The following CAMSAP2 variants were observed in gnomAD, a reference collection of about 807,000 sequenced individuals.
The protein encoded by CAMSAP2 is calmodulin regulated spectrin associated protein family member 2.
In CAMSAP2, 26 loss-of-function variants were observed where a neutral mutation model predicts 146.1. The observed-to-expected ratio is 0.18, with a 90% CI of 0.13 to 0.25. The LOEUF (loss-of-function observed/expected upper bound fraction) is 0.25, where lower values mean the gene tolerates loss of function less well. Among genes scored for constraint, CAMSAP2 ranks in the 10% least tolerant of loss-of-function variants. The probability of loss-of-function intolerance (pLI) is 1.00; values close to 1 mark genes in which losing one functional copy is unlikely to be tolerated. For synonymous variants in CAMSAP2, 499 were observed against 596.6 expected, an observed-to-expected ratio of 0.84 and a Z score of 2.38; for missense variants, 1,381 against 1,759.3, an observed-to-expected ratio of 0.78 and a Z score of 3.85.
intron 2 of CAMSAP2, among the ~76,000 whole-genome samples, chr1:200,766,664 T>C (rs1323347367): frequency 8.1e-6 from 1 of 123,184 alleles, no homozygotes; most frequent in Admixed American, 7.7e-5. Context: ...CTTTTTCGGT[T>C]TTTTTTCTTA....
chr1:200,781,263 TAAA>T (rs900883600), intron 2 of CAMSAP2, among the ~76,000 whole-genome samples: 2 of 152,254 alleles, frequency 1.3e-5, no homozygotes, highest in Non-Finnish European at 2.9e-5. Context: ...TGTGACTGTT[TAAA>T]ATATACTAGG....
intron 8 of CAMSAP2, among the ~76,000 whole-genome samples, chr1:200,845,882 A>G (rs1667448930): frequency 6.6e-6 from 1 of 152,186 alleles, no homozygotes; most frequent in Non-Finnish European, 1.5e-5. Flanking sequence ...AAAATGTCCT[A>G]TCATATTAAT....
Position 200,849,550 on chromosome 1 carries a change from G to C in CAMSAP2, c.2781G>C (p.Gln927His). ...WVISPPQPSP[Q>H]KQIRDFKPSK... ...TTTCACCTCCACAACCCTCTCCACA[G>C]AAACAGATTCGAGATTTTAAGCCTT... Residue 927 changes from glutamine (Q) to histidine (H), a missense_variant, in exon 11 of 17, where the codon CAG (glutamine) becomes CAC (histidine). By Grantham distance (24) the Gln-to-His change is conservative. Coordinates refer to ENST00000358823, the MANE Select transcript of CAMSAP2 (RefSeq NM_203459.4). This position sits in a 1 kb window ranked among gnomAD's most constrained non-coding sequence, Gnocchi z 6.3. The C allele has an allele frequency of 6.2e-7, 1 of 1,614,178 alleles. No homozygotes were observed. Among genetic ancestry groups the C allele is most frequent in the Non-Finnish European group, 8.5e-7 (1 of 1,180,030 alleles).
chr1:200,781,340 T>G (rs1571747126), intron 2 of CAMSAP2, among the ~76,000 whole-genome samples: 1 of 152,178 alleles, frequency 6.6e-6, no homozygotes. Context: ...TGGCATAGGG[T>G]AGCAGCAATT....
chr1:200,813,623 G>A (rs534736188), intron 3 of CAMSAP2, among the ~76,000 whole-genome samples: 1 of 152,296 alleles, frequency 6.6e-6, no homozygotes, highest in African/African-American at 2.4e-5. Flanking sequence ...ATACATGAGT[G>A]AATGGTGGTT....
intron 1 of CAMSAP2, among the ~76,000 whole-genome samples, chr1:200,741,831 G>A (rs1431146125): frequency 6.6e-6 from 1 of 152,200 alleles, no homozygotes; most frequent in Non-Finnish European, 1.5e-5. Context: ...TTTGCAGTAA[G>A]TTGTACGTTA....
intron 2 of CAMSAP2, among the ~76,000 whole-genome samples, chr1:200,768,434 G>A (rs1291202191): frequency 1.3e-5 from 2 of 152,158 alleles, no homozygotes; most frequent in Non-Finnish European, 2.9e-5. Context: ...CATGAATGAT[G>A]TTTTGTGCTA....
chr1:200,832,943 C>A lies in CAMSAP2; in HGVS notation c.927+98C>A. ...GGGAACAGTGGCTCATGCCTGTAATCCCAGTACTTTGGGAGGACAAGGTGG... is the reference window on the plus strand; with the variant it reads ...GGGAACAGTGGCTCATGCCTGTAATACCAGTACTTTGGGAGGACAAGGTGG... On this transcript the variant is annotated intron_variant, in intron 6 of 16. Coordinates refer to ENST00000358823, the MANE Select transcript of CAMSAP2 (RefSeq NM_203459.4). This position sits in a 1 kb window ranked among gnomAD's most constrained non-coding sequence, Gnocchi z 4.2. 2 of 1,080,726 alleles carry A rather than the reference C, an allele frequency of 1.9e-6. No homozygotes were observed. Among genetic ancestry groups the A allele is most frequent in the Non-Finnish European group, 1.3e-6 (1 of 791,010 alleles). The allele number at this position is 1,080,726 out of a possible 1,614,324, so 66.9% of individuals were successfully genotyped here.
intron 14 of CAMSAP2, among the ~76,000 whole-genome samples, 171 bp from the exon 15 acceptor site, chr1:200,855,839 C>T (rs989306047): frequency 1.3e-5 from 2 of 152,106 alleles, no homozygotes; most frequent in African/African-American, 2.4e-5. Context: ...TTGTGATCTA[C>T]CTGCCTCGGC....
In CAMSAP2 at chr1:200,858,483, G is replaced by A. The variant is rs1230899301; in HGVS notation, c.*424G>A. 6.5e-6 allele frequency: 1 copy of A among 154,010 alleles called. No homozygotes were observed. The highest frequency in any genetic ancestry group is 1.4e-5 in the Non-Finnish European group (1 of 69,050). 9.5% of individuals were successfully genotyped at this position (154,010 alleles called of 1,614,324 possible). The stretch of plus-strand genomic sequence containing the variant: ...GGTTTGCTATTTTTCTCTCCTGGGG[G>A]TTTATTCTAAGATACCTTTGTATTT... On this transcript the variant is annotated 3_prime_UTR_variant, in exon 17 of 17. Coordinates refer to ENST00000358823, the MANE Select transcript of CAMSAP2 (RefSeq NM_203459.4).
chr1:200,817,109 CGTGTGTGTATAT>C (rs1666586386), intron 4 of CAMSAP2, among the ~76,000 whole-genome samples: 1 of 144,108 alleles, frequency 6.9e-6, no homozygotes, highest in Admixed American at 6.7e-5. Flanking sequence ...TATACACACA[CGTGTGTGTATAT>C]ACACGTATAT....
chr1:200,779,301 G>C (rs886998190), intron 2 of CAMSAP2, among the ~76,000 whole-genome samples: 2 of 152,104 alleles, frequency 1.3e-5, no homozygotes, highest in African/African-American at 4.8e-5. Flanking sequence ...ATTTTTAAAA[G>C]ATAGAAAAGA....
intron 2 of CAMSAP2, among the ~76,000 whole-genome samples, chr1:200,769,976 A>G (rs1447029240): frequency 6.6e-6 from 1 of 152,182 alleles, no homozygotes; most frequent in East Asian, 1.9e-4. Context: ...GATTATAATG[A>G]AAGACTATAA....
intron 2 of CAMSAP2, among the ~76,000 whole-genome samples, chr1:200,802,887 C>G (rs1666072647): frequency 6.6e-6 from 1 of 152,082 alleles, no homozygotes. Context: ...AAATATAACC[C>G]TTGTAACACA....
chr1:200,844,952 G>T, intron 8 of CAMSAP2, 83 bp downstream of exon 8: 2 of 687,186 alleles, frequency 2.9e-6, no homozygotes, highest in Non-Finnish European at 4.5e-6. Flanking sequence ...CATTAAATAA[G>T]GTTTTTAAGA....
chr1:200,777,935 A>T (rs1003527855), intron 2 of CAMSAP2, among the ~76,000 whole-genome samples: 11 of 152,114 alleles, frequency 7.2e-5, no homozygotes, highest in Middle Eastern at 3.4e-3. Context: ...CGAGAACCTG[A>T]CTCCAGAAAA....
At chr1:200,823,598 G>A (rs1460630512) in intron 4 of CAMSAP2, among the ~76,000 whole-genome samples, 1 of 152,160 alleles carries the variant, frequency 6.6e-6, no homozygotes, top group Admixed American at 6.5e-5. Context: ...CTACCAGAGA[G>A]GTCATATATC....
At position 200,849,718 on chromosome 1, in the gene CAMSAP2, A is replaced by G; in HGVS notation, c.2949A>G (p.Leu983=). The change falls in exon 11 of 17, where the codon TTA becomes TTG. Residue 983 remains leucine, a synonymous_variant. Coordinates refer to ENST00000358823, the MANE Select transcript of CAMSAP2 (RefSeq NM_203459.4). This position sits in a 1 kb window ranked among gnomAD's most constrained non-coding sequence, Gnocchi z 6.3. ...KSQRTPRPNE[L]KITPLNRTLT... ...AAAGGACTCCTAGGCCAAATGAGTT[A>G]AAAATAACACCTTTGAATCGAACCT... 1 of 1,614,222 alleles carries G rather than the reference A, an allele frequency of 6.2e-7. No individual in the cohort carries two copies. Among genetic ancestry groups the G allele is most frequent in the Non-Finnish European group, 8.5e-7 (1 of 1,180,024 alleles).
At chr1:200,829,743 T>C (rs1396224175) in intron 4 of CAMSAP2, among the ~76,000 whole-genome samples, 1 of 151,992 alleles carries the variant, frequency 6.6e-6, no homozygotes, top group Non-Finnish European at 1.5e-5. Context: ...CCTGGGCAAC[T>C]TGGCAAAACC....
Sources: gnomAD v4.1 joint callset for allele counts (sites outside exome capture counted in the v4.1 genomes callset) on GRCh38, gnomAD v4.1.1 for gene constraint, Gnocchi (gnomAD v3.1) non-coding constraint, MANE v1.5 for transcripts, NCBI Gene and HGNC (gene_info 2026-07-23, HGNC 2026-07-21) for gene names.